Variants in SETD9 observed in about 807,000 individuals in gnomAD.
SETD9 encodes SET domain-containing protein 9.
A neutral mutation model predicts 36.4 loss-of-function variants in SETD9; 37 were observed. The observed-to-expected ratio is 1.02, with a 90% CI of 0.78 to 1.34. SETD9 has a LOEUF of 1.34. Among genes scored for constraint, SETD9 ranks in the 40% most tolerant of loss-of-function variants. The probability of loss-of-function intolerance (pLI) is 0.00; values close to 1 mark genes in which losing one functional copy is unlikely to be tolerated. For synonymous variants in SETD9, 128 were observed against 132.9 expected, an observed-to-expected ratio of 0.96 and a Z score of 0.26; for missense variants, 323 against 353.2, an observed-to-expected ratio of 0.91 and a Z score of 0.69.
At chr5:56,913,284 C>A in intron 3 of SETD9, 150 bp downstream of exon 3, 3 of 841,492 alleles carry the variant, frequency 3.6e-6, no homozygotes, top group Non-Finnish European at 5.2e-6. Flanking sequence ...GAACTCCTGG[C>A]CTCAAGCGAC....
chr5:56,915,691 C>T (rs562662094), intron 5 of SETD9, among the ~76,000 whole-genome samples: 3 of 152,274 alleles, frequency 2.0e-5, no homozygotes, highest in Admixed American at 6.5e-5. Flanking sequence ...AGGCCAGACA[C>T]GGTACCTCAA....
chr5:56,912,700 A>C (rs542545470), intron 2 of SETD9, among the ~76,000 whole-genome samples: 1 of 152,268 alleles, frequency 6.6e-6, no homozygotes, highest in African/African-American at 2.4e-5. Context: ...GTTAAATCAC[A>C]TTCTACTTAA....
downstream of SETD9, chr5:56,927,972 G>A (rs1750077879): frequency 6.7e-6 from 1 of 149,512 alleles, no homozygotes; most frequent in Non-Finnish European, 1.5e-5. Flanking sequence ...CTACAGTATA[G>A]AGTCTTTTCA....
rs773651977 is a variant in SETD9 at position 56,911,484 on chromosome 5, C to T, written c.414C>T (p.Val138=). The T allele has an allele frequency of 2.5e-6, 4 of 1,602,528 alleles. No individual in the cohort carries two copies. The highest frequency in any genetic ancestry group is 3.4e-6 in the Non-Finnish European group (4 of 1,176,082). ...TSSLISAGKG[V]FVTKGLVPKG... Reference sequence around the variant, plus strand: ...CATTGATTTCTGCTGGAAAAGGTGTCTTCGTTACTAAAGGATTGGTACCAA... The same window carrying T: ...CATTGATTTCTGCTGGAAAAGGTGTTTTCGTTACTAAAGGATTGGTACCAA... The change falls in exon 2 of 6, where the codon GTC becomes GTT. Residue 138 remains valine (V), a synonymous_variant. Transcript: ENST00000285947.
intron 2 of SETD9, chr5:56,912,188 AACAT>A: frequency 1.0e-6 from 1 of 985,340 alleles, no homozygotes; most frequent in Non-Finnish European, 1.2e-6. Flanking sequence ...TACGGATCAA[AACAT>A]AAAAGACAAC....
At chr5:56,918,705 G>GTTT (rs976526752), downstream of SETD9, among the ~76,000 whole-genome samples, 1 of 152,190 alleles carries the variant, frequency 6.6e-6, no homozygotes, top group African/African-American at 2.4e-5. Flanking sequence ...AAGGGATGTG[G>GTTT]TTTTAGTCAA....
downstream of SETD9, among the ~76,000 whole-genome samples, chr5:56,927,176 T>C (rs1750030795): frequency 6.6e-6 from 1 of 152,220 alleles, no homozygotes; most frequent in South Asian, 2.1e-4. Flanking sequence ...TGGATATGTA[T>C]CATTATATAT....
chr5:56,923,890 T>C, intron 5 of SETD9: 3 of 1,614,024 alleles, frequency 1.9e-6, no homozygotes, highest in Non-Finnish European at 2.5e-6. Context: ...AAGTAAGTCT[T>C]TGAAGGCAAG....
chr5:56,918,586 A>C (rs1258206716), downstream of SETD9, among the ~76,000 whole-genome samples: 4 of 152,216 alleles, frequency 2.6e-5, no homozygotes, highest in African/African-American at 4.8e-5. Flanking sequence ...ACATTGTTGC[A>C]TTCTTGCTGT....
chr5:56,912,954 G>C, intron 2 of SETD9, 57 bp from the exon 3 acceptor site: 1 of 1,542,692 alleles, frequency 6.5e-7, no homozygotes, highest in Non-Finnish European at 8.9e-7. Context: ...GGTTCTTATC[G>C]CAGTGTTTAT....
At chr5:56,923,442 T>G (rs1313987671) in intron 5 of SETD9, 1 of 1,614,176 alleles carries the variant, frequency 6.2e-7, no homozygotes, top group South Asian at 1.1e-5. Context: ...CTTTCCCCAT[T>G]GCTGGGCAGG....
chr5:56,919,986 GCAAA>G (rs1749591930), downstream of SETD9: 3 of 152,514 alleles, frequency 2.0e-5, no homozygotes, highest in South Asian at 6.2e-4. Flanking sequence ...GAAACTCTGG[GCAAA>G]CAATCTCCTT....
At chr5:56,915,287 A>G (rs1749368985) in intron 5 of SETD9, among the ~76,000 whole-genome samples, 1 of 152,138 alleles carries the variant, frequency 6.6e-6, no homozygotes, top group Admixed American at 6.5e-5. Flanking sequence ...TACTTTAATC[A>G]TTTATAATAT....
intron 5 of SETD9, chr5:56,923,533 C>T (rs13158348): frequency 6.2e-7 from 1 of 1,614,146 alleles, no homozygotes; most frequent in Non-Finnish European, 8.5e-7. Flanking sequence ...AGCTATCATC[C>T]AAACAATTCA....
At chr5:56,925,764 A>G (rs2112078025), downstream of SETD9, among the ~76,000 whole-genome samples, 1 of 152,254 alleles carries the variant, frequency 6.6e-6, no homozygotes, top group South Asian at 2.1e-4. Flanking sequence ...TTTATATGGA[A>G]AGGCAAAATA....
intron 5 of SETD9, 117 bp downstream of exon 5, chr5:56,915,083 C>G (rs1221078456): frequency 1.7e-6 from 1 of 605,684 alleles, no homozygotes; most frequent in Non-Finnish European, 2.6e-6. Context: ...AAAATTATAA[C>G]TCAGATTTTT....
At chr5:56,923,173 G>A in intron 5 of SETD9, 1 of 1,614,044 alleles carries the variant, frequency 6.2e-7, no homozygotes. Flanking sequence ...CATGGGCACT[G>A]ATGAAACCAT....
At position 56,911,157 on chromosome 5, in the gene SETD9, T is replaced by C; in HGVS notation, c.99-12T>C. 1 of 1,522,010 alleles carries C rather than the reference T, an allele frequency of 6.6e-7. No individual in the cohort carries two copies. Among genetic ancestry groups the C allele is most frequent in the Non-Finnish European group, 8.8e-7 (1 of 1,139,988 alleles). The allele number at this position is 1,522,010 out of a possible 1,614,324, so 94.3% of individuals were successfully genotyped here. On this transcript the variant is annotated splice_polypyrimidine_tract_variant and intron_variant, in intron 1 of 5. Transcript: ENST00000285947. ...TTGAAGGGTAGTGAATAGAAACTTTTCCCATTTTCAGGACCCTCCGATATG... is the reference window on the plus strand; with the variant it reads ...TTGAAGGGTAGTGAATAGAAACTTTCCCCATTTTCAGGACCCTCCGATATG...
Position 56,911,201 on chromosome 5 carries a change from A to T in SETD9, c.131A>T (p.Asp44Val). The T allele has an allele frequency of 2.5e-6, 4 of 1,571,228 alleles. No individual in the cohort carries two copies. The highest frequency in any genetic ancestry group is 3.4e-6 in the Non-Finnish European group (4 of 1,162,844). Reference protein sequence around the residue: ...TLRYVPEESKDKVISDEDVLG... With the variant: ...TLRYVPEESKVKVISDEDVLG... ...CGATATGTTCCAGAGGAATCCAAAGACAAAGTTATCTCAGATGAAGATGTC... is the reference window on the plus strand; with the variant it reads ...CGATATGTTCCAGAGGAATCCAAAGTCAAAGTTATCTCAGATGAAGATGTC... Residue 44 changes from aspartate (D) to valine (V), a missense_variant, in exon 2 of 6, where the codon GAC becomes GTC. By Grantham distance (152) the Asp-to-Val change is radical. Coordinates refer to ENST00000285947, the MANE Select transcript of SETD9 (RefSeq NM_153706.4).
Sources: allele counts gnomAD v4.1 joint callset (sites outside exome capture counted in the v4.1 genomes callset), GRCh38; gene constraint gnomAD v4.1.1; transcripts MANE v1.5; gene names NCBI Gene and HGNC (gene_info 2026-07-23, HGNC 2026-07-21).